Variants in UBE2V1 observed in about 807,000 individuals in gnomAD.
The protein encoded by UBE2V1 is ubiquitin-conjugating enzyme E2 variant 1.
A neutral mutation model predicts 19.6 loss-of-function variants in UBE2V1; 15 were observed. That is an observed-to-expected ratio of 0.77 (90% CI 0.51 to 1.18). The LOEUF (loss-of-function observed/expected upper bound fraction) is 1.18, where lower values mean the gene tolerates loss of function less well. UBE2V1 is among the 50% of genes most tolerant of loss of function. The probability of loss-of-function intolerance (pLI) is 0.00; values close to 1 mark genes in which losing one functional copy is unlikely to be tolerated. For synonymous variants in UBE2V1, 60 were observed against 60.7 expected (o/e 0.99, Z 0.05); for missense variants, 125 against 184.8 (o/e 0.68, Z 1.88).
chr20:50,098,635 CAG>C (rs1009430105), intron 1 of UBE2V1, among the ~76,000 whole-genome samples: 9 of 152,036 alleles, frequency 5.9e-5, no homozygotes, highest in African/African-American at 2.2e-4. Flanking sequence ...AACTGAAGGA[CAG>C]AGTTGGTAGT....
At chr20:50,085,639 T>A (rs369354840) in intron 2 of UBE2V1, among the ~76,000 whole-genome samples, 1 of 152,286 alleles carries the variant, frequency 6.6e-6, no homozygotes, top group South Asian at 2.1e-4. Flanking sequence ...AACAGCGGCA[T>A]CTAGTGGTCT....
intron 1 of UBE2V1, chr20:50,098,749 C>G (rs888129731): frequency 1.9e-5 from 4 of 211,350 alleles, no homozygotes; most frequent in Admixed American, 1.3e-4. Context: ...AATATACTAA[C>G]TTCCCATTTA....
intron 1 of UBE2V1, chr20:50,111,275 T>C: frequency 7.1e-6 from 7 of 986,862 alleles, no homozygotes; most frequent in Non-Finnish European, 8.4e-6. Context: ...CATAGCCATT[T>C]ATGAAGCACT....
chr20:50,081,618 C>A lies in UBE2V1; in HGVS notation c.*1150G>T, dbSNP rs2078648052. On this transcript the variant is annotated 3_prime_UTR_variant, in exon 4 of 4. Transcript: ENST00000371674. ...CAGTTGTCAGATTCCAAACTAGACC[C>A]CAATGGATTGCAAGGATGACCAAAT... The A allele has an allele frequency of 1.2e-5, 2 of 160,428 alleles. No individual in the cohort carries two copies. The highest frequency in any genetic ancestry group is 2.7e-5 in the Non-Finnish European group (2 of 73,320). 9.9% of individuals were successfully genotyped at this position (160,428 alleles called of 1,614,324 possible).
chr20:50,108,279 A>C (rs750692223), intron 1 of UBE2V1, among the ~76,000 whole-genome samples: 1 of 152,208 alleles, frequency 6.6e-6, no homozygotes, highest in African/African-American at 2.4e-5. Context: ...AGGATTTGGC[A>C]TTTAGTTTGG....
intron 2 of UBE2V1, among the ~76,000 whole-genome samples, chr20:50,094,035 AT>A (rs766927239): frequency 0.071 from 8,003 of 113,326 alleles, 398 homozygotes; most frequent in African/African-American, 0.12. Context: ...TAATAATAAA[AT>A]ATATATATAT....
Position 50,096,675 on chromosome 20 carries a change from T to G in UBE2V1, c.168A>C (p.Pro56=), listed in dbSNP as rs770207306. 3 of 1,614,012 alleles carry G rather than the reference T, an allele frequency of 1.9e-6. No individual in the cohort carries two copies. The highest frequency in any genetic ancestry group is 2.5e-6 in the Non-Finnish European group (3 of 1,179,970). ...ATAGCCGTAGCTCGACGCTTACTCT[T>G]GGAGGCCCAATTATCATCCCTGTCC... ...TRWTGMIIGP[P]RTIYENRIYS... is the part of the protein sequence containing the mutation. Residue 56 remains proline (P), a synonymous_variant, in exon 2 of 4, where the codon CCA becomes CCC. Coordinates refer to ENST00000371674, the MANE Select transcript of UBE2V1 (RefSeq NM_001032288.3).
intron 2 of UBE2V1, among the ~76,000 whole-genome samples, chr20:50,088,294 A>G (rs972480061): frequency 6.6e-6 from 1 of 152,160 alleles, no homozygotes; most frequent in Non-Finnish European, 1.5e-5. Context: ...AAAAACAGAT[A>G]TAAGTAAAAA....
chr20:50,098,869 C>A, intron 1 of UBE2V1: 1 of 968,692 alleles, frequency 1.0e-6, no homozygotes, highest in Non-Finnish European at 1.2e-6. Flanking sequence ...AACAGCAAAA[C>A]CTGCAAGCAT....
At chr20:50,113,170 C>CA, upstream of UBE2V1, 1 of 1,266,730 alleles carries the variant, frequency 7.9e-7, no homozygotes, top group Non-Finnish European at 1.0e-6. Flanking sequence ...TTCTTCACCC[C>CA]CCCCTTACCC....
upstream of UBE2V1, among the ~76,000 whole-genome samples, chr20:50,113,766 AATTCATTCATTC>A (rs67186246): frequency 7.5e-6 from 1 of 132,786 alleles, no homozygotes; most frequent in Non-Finnish European, 1.7e-5. Context: ...CCATCTACCC[AATTCATTCATTC>A]ATTCATTCAT....
Position 50,081,448 on chromosome 20 carries a change from C to A in UBE2V1, c.*1320G>T, listed in dbSNP as rs1436456382. ...GTCCTGAACAGCAAGTGGAAAGACG[C>A]AGCAATTTGCCAGGAGGTCAAGCCC... On this transcript the variant is annotated 3_prime_UTR_variant, in exon 4 of 4. Coordinates refer to ENST00000371674, the MANE Select transcript of UBE2V1 (RefSeq NM_001032288.3). 2 of 152,516 alleles carry A rather than the reference C, an allele frequency of 1.3e-5. No homozygotes were observed. Among genetic ancestry groups the A allele is most frequent in the Non-Finnish European group, 1.5e-5 (1 of 68,046 alleles). The allele number at this position is 152,516 out of a possible 1,614,324, so 9.4% of individuals were successfully genotyped here. A position where few individuals can be genotyped will look rare whatever the true frequency, so the allele number is the denominator to read the frequency against.
chr20:50,086,284 C>T (rs1441912400), intron 2 of UBE2V1, among the ~76,000 whole-genome samples: 1 of 152,144 alleles, frequency 6.6e-6, no homozygotes, highest in Non-Finnish European at 1.5e-5. Flanking sequence ...CTCAGCCCCT[C>T]CCAACTGAGG....
chr20:50,114,500 C>T (rs188176928), upstream of UBE2V1, among the ~76,000 whole-genome samples: 1 of 152,294 alleles, frequency 6.6e-6, no homozygotes, highest in Non-Finnish European at 1.5e-5. Flanking sequence ...TCCCCATTCC[C>T]TCTGGATAAA....
At chr20:50,099,158 T>C (rs1217832420) in intron 1 of UBE2V1, among the ~76,000 whole-genome samples, 2 of 152,180 alleles carry the variant, frequency 1.3e-5, no homozygotes, top group Non-Finnish European at 2.9e-5. Flanking sequence ...AAGAATCATA[T>C]TGATAGGAAG....
chr20:50,084,340 A>G (rs1798956002), intron 2 of UBE2V1, 86 bp from the exon 3 acceptor site: 1 of 1,601,590 alleles, frequency 6.2e-7, no homozygotes, highest in African/African-American at 1.3e-5. Flanking sequence ...TTTATCCCTG[A>G]CTGTAGAACT....
At chr20:50,101,448 C>T (rs1374604930) in intron 1 of UBE2V1, among the ~76,000 whole-genome samples, 2 of 137,380 alleles carry the variant, frequency 1.5e-5, no homozygotes, top group African/African-American at 2.8e-5. Context: ...GACAAAGTCT[C>T]GCTCTTGTTC....
chr20:50,110,406 C>T (rs1408065153), intron 1 of UBE2V1, among the ~76,000 whole-genome samples: 3 of 152,206 alleles, frequency 2.0e-5, no homozygotes, highest in Non-Finnish European at 2.9e-5. Context: ...TCAGCCCTTA[C>T]AGGAACTCAA....
intron 2 of UBE2V1, among the ~76,000 whole-genome samples, chr20:50,092,893 G>C (rs2079326422): frequency 1.3e-5 from 2 of 152,182 alleles, no homozygotes; most frequent in South Asian, 4.1e-4. Flanking sequence ...TTCTGAAGAA[G>C]ACAACCACTG....
Sources: allele counts gnomAD v4.1 joint callset (sites outside exome capture counted in the v4.1 genomes callset), GRCh38; gene constraint gnomAD v4.1.1; transcripts MANE v1.5; gene names NCBI Gene and HGNC (gene_info 2026-07-23, HGNC 2026-07-21).